Variants in STAT4 observed in about 807,000 individuals in gnomAD.
STAT4 encodes signal transducer and activator of transcription 4.
In STAT4, 42 loss-of-function variants were observed where a neutral mutation model predicts 110.5. The ratio of observed to expected loss-of-function variants is 0.38; its 90% CI spans 0.30 to 0.49. The LOEUF (loss-of-function observed/expected upper bound fraction) is 0.49. Ranked by LOEUF, STAT4 falls within the 20% of genes least tolerant of loss-of-function variation. The probability of loss-of-function intolerance (pLI) is 0.95; values close to 1 mark genes in which losing one functional copy is unlikely to be tolerated. For synonymous variants in STAT4, 284 were observed against 302.2 expected (o/e 0.94, Z 0.63); for missense variants, 632 against 887.9 (o/e 0.71, Z 3.66).
chr2:191,094,451 A>C (rs1321997836), intron 3 of STAT4, among the ~76,000 whole-genome samples: 1 of 152,210 alleles, frequency 6.6e-6, no homozygotes, highest in African/African-American at 2.4e-5. Flanking sequence ...TCCTAAAGAA[A>C]AGAATTTTCA....
intron 4 of STAT4, 192 bp downstream of exon 4, chr2:191,076,035 T>G: frequency 5.8e-6 from 3 of 517,524 alleles, no homozygotes; most frequent in Non-Finnish European, 1.0e-5. Context: ...TTTTTTTTTT[T>G]TGGAGACAGG....
rs893699921 is a variant in STAT4 at position 191,102,956 on chromosome 2, T to G, written c.274-26631A>C. Among the ~76,000 whole-genome samples, 6 of 152,222 alleles carry G rather than the reference T, an allele frequency of 3.9e-5. No individual in the cohort carries two copies. In the South Asian group the frequency reaches 1.0e-3, roughly 26 times the overall value. On this transcript the variant is annotated intron_variant, in intron 3 of 23. Transcript: ENST00000392320. ...TCCATGTATCATCCATGTTCCATGG[T>G]ATCAACTATGCCCAACATGGATTTA... is the stretch of plus-strand genomic sequence containing the variant.
chr2:191,102,105 G>A (rs1698163245), intron 3 of STAT4, among the ~76,000 whole-genome samples: 1 of 148,702 alleles, frequency 6.7e-6, no homozygotes, highest in African/African-American at 2.5e-5. Flanking sequence ...ACCCATTTAT[G>A]CCTGAGGTTG....
chr2:191,066,542 G>A lies in STAT4; in HGVS notation c.545-27C>T, dbSNP rs200770244. The A allele has an allele frequency of 4.9e-5, 79 of 1,601,800 alleles. No individual in the cohort carries two copies. Among genetic ancestry groups the A allele is most frequent in the Non-Finnish European group, 6.4e-5 (75 of 1,170,514 alleles). On this transcript the variant is annotated intron_variant, in intron 6 of 23. Transcript: ENST00000392320. The surrounding 1 kb of genome is among the most constrained non-coding windows in gnomAD (Gnocchi z 4.3). ...TGCAAAGGTAAAGAGATCAGATTTA[G>A]AGTTCTCTCTATTCCTGAAAGTCAA...
rs368047802 is a variant in STAT4 at position 191,031,568 on chromosome 2, T to C, written c.2045-52A>G. ...GGGAAAAAAATGTCAATATTATCAA[T>C]AAAACTGGGGAAAAAAGAGTCTAGA... is the stretch of plus-strand genomic sequence containing the variant. On this transcript the variant is annotated intron_variant, in intron 21 of 23. Coordinates refer to ENST00000392320, the MANE Select transcript of STAT4 (RefSeq NM_003151.4). The surrounding 1 kb of genome is among the most constrained non-coding windows in gnomAD (Gnocchi z 4.8). 4 of 1,471,444 alleles carry C rather than the reference T, an allele frequency of 2.7e-6. No individual in the cohort carries two copies. The African/African-American group carries it at 4.2e-5, about 16-fold the overall frequency. The allele number at this position is 1,471,444 out of a possible 1,614,324, so 91.1% of individuals were successfully genotyped here.
chr2:191,106,757 C>G (rs200947061), intron 3 of STAT4, among the ~76,000 whole-genome samples: 12 of 152,050 alleles, frequency 7.9e-5, no homozygotes, highest in Non-Finnish European at 1.5e-4. Flanking sequence ...GTCAATAAAT[C>G]ATTTTAGAAA....
In STAT4 at chr2:191,060,473, C is replaced by G. The variant is rs1191641411; in HGVS notation, c.1034+1256G>C. ...TGCTGTTGTTGCCCAGCCTGAAGTG[C>G]AGTGGCGTGAGTGCAGTGTACTGCA... On this transcript the variant is annotated intron_variant, in intron 10 of 23. Transcript: ENST00000392320. This position sits in a 1 kb window ranked among gnomAD's most constrained non-coding sequence, Gnocchi z 4.5. Among the ~76,000 whole-genome samples, 1 of 152,208 alleles carries G rather than the reference C, an allele frequency of 6.6e-6. No homozygotes were observed. The highest frequency in any genetic ancestry group is 2.4e-5 in the African/African-American group (1 of 41,456).
chr2:191,070,922 C>T (rs192268397), intron 5 of STAT4, among the ~76,000 whole-genome samples: 5 of 152,152 alleles, frequency 3.3e-5, no homozygotes, highest in African/African-American at 4.8e-5. Flanking sequence ...TACATTAGTT[C>T]GACTGCTTAA....
chr2:191,127,583 C>G (rs1698916177), intron 3 of STAT4, among the ~76,000 whole-genome samples: 1 of 152,200 alleles, frequency 6.6e-6, no homozygotes, highest in Non-Finnish European at 1.5e-5. Context: ...TCACTTTATG[C>G]CTTTGCCAGT....
intron 7 of STAT4, 123 bp from the exon 8 acceptor site, chr2:191,065,081 T>C (rs778757154): frequency 9.1e-5 from 94 of 1,034,916 alleles, no homozygotes; most frequent in Non-Finnish European, 1.1e-4. Context: ...AATATTTTAC[T>C]AAATGCTAGC....
At chr2:191,119,238 G>A (rs371881156) in intron 3 of STAT4, among the ~76,000 whole-genome samples, 4 of 151,956 alleles carry the variant, frequency 2.6e-5, no homozygotes, top group East Asian at 3.9e-4. Context: ...TGCTAAAAAG[G>A]GTCCCGAAAG....
At chr2:191,120,113 A>G (rs988518236) in intron 3 of STAT4, among the ~76,000 whole-genome samples, 8 of 152,236 alleles carry the variant, frequency 5.3e-5, no homozygotes, top group Non-Finnish European at 1.2e-4. Context: ...TACCTAAAAG[A>G]ATGTTATGAT....
At chr2:191,137,918 T>C (rs949327740) in intron 3 of STAT4, among the ~76,000 whole-genome samples, 4 of 152,008 alleles carry the variant, frequency 2.6e-5, no homozygotes, top group Non-Finnish European at 4.4e-5. Context: ...CAAGATAACA[T>C]AAGGAAAATG....
At chr2:191,052,285 C>T (rs551048700) in intron 14 of STAT4, among the ~76,000 whole-genome samples, 31 of 152,256 alleles carry the variant, frequency 2.0e-4, no homozygotes, top group African/African-American at 7.2e-4. Flanking sequence ...ACACAAGACA[C>T]GGTTCAATCT....
chr2:191,068,542 A>C (rs1275120427), intron 6 of STAT4: 1 of 152,160 alleles, frequency 6.6e-6, no homozygotes, highest in East Asian at 1.9e-4. Flanking sequence ...ACAATCATTC[A>C]TATTTCCTTC....
At chr2:191,114,949 C>G (rs1698533206) in intron 3 of STAT4, among the ~76,000 whole-genome samples, 1 of 152,068 alleles carries the variant, frequency 6.6e-6, no homozygotes, top group Non-Finnish European at 1.5e-5. Context: ...TTTTTTGTTT[C>G]CAGAACTGAT....
In STAT4 at chr2:191,030,771, C is replaced by T; in HGVS notation, c.2220+201G>A. Reference sequence around the variant, plus strand: ...AAACAACGTAAAGCAGTTTAAGTAACTGAAGGTGTCTGCTTTCAATACGCA... The same window carrying T: ...AAACAACGTAAAGCAGTTTAAGTAATTGAAGGTGTCTGCTTTCAATACGCA... On this transcript the variant is annotated intron_variant, in intron 23 of 23. Transcript: ENST00000392320. This position sits in a 1 kb window ranked among gnomAD's most constrained non-coding sequence, Gnocchi z 4.4. 1 of 512,524 alleles carries T rather than the reference C, an allele frequency of 2.0e-6. No individual in the cohort carries two copies. 31.7% of individuals were successfully genotyped at this position (512,524 alleles called of 1,614,324 possible).
rs1379680240 is a variant in STAT4 at position 191,061,545 on chromosome 2, T to A, written c.1034+184A>T. On this transcript the variant is annotated intron_variant, in intron 10 of 23. Transcript: ENST00000392320. The surrounding 1 kb of genome is among the most constrained non-coding windows in gnomAD (Gnocchi z 6.2). ...TGTCCTCATCTGCACTGTCATGCTC[T>A]TGACAAGCAGGGCTCTCATCTTCAC... is the stretch of plus-strand genomic sequence containing the variant. Among the ~76,000 whole-genome samples the A allele has an allele frequency of 6.6e-6, 1 of 152,224 alleles. No individual in the cohort carries two copies. The highest frequency in any genetic ancestry group is 2.4e-5 in the African/African-American group (1 of 41,452).
At chr2:191,093,051 A>C (rs1331938613) in intron 3 of STAT4, among the ~76,000 whole-genome samples, 1 of 152,184 alleles carries the variant, frequency 6.6e-6, no homozygotes, top group East Asian at 1.9e-4. Flanking sequence ...GGGAAGTTTG[A>C]ACTGGGCGGA....
Sources: gnomAD v4.1 joint callset for allele counts (sites outside exome capture counted in the v4.1 genomes callset) on GRCh38, gnomAD v4.1.1 for gene constraint, Gnocchi (gnomAD v3.1) non-coding constraint, MANE v1.5 for transcripts, NCBI Gene and HGNC (gene_info 2026-07-23, HGNC 2026-07-21) for gene names.